Variants in BANK1 observed in about 807,000 individuals in gnomAD.
BANK1 encodes B-cell scaffold protein with ankyrin repeats.
Under a neutral mutation model 94.5 loss-of-function variants are expected in BANK1, and 95 were observed. The ratio of observed to expected loss-of-function variants is 1.00; its 90% CI spans 0.85 to 1.19. The LOEUF (loss-of-function observed/expected upper bound fraction) is 1.19, where lower values mean the gene tolerates loss of function less well. BANK1 is among the 50% of genes most tolerant of loss of function. BANK1 has a pLI of 0.00. For missense variants in BANK1, 987 were observed against 932.2 expected, an observed-to-expected ratio of 1.06 and a Z score of -0.77; for synonymous variants, 334 against 308.4, an observed-to-expected ratio of 1.08 and a Z score of -0.87.
At chr4:102,071,208 T>A (rs1037828067) in intron 13 of BANK1, 67 bp from the exon 14 acceptor site, 1 of 1,522,686 alleles carries the variant, frequency 6.6e-7, no homozygotes, top group Non-Finnish European at 9.1e-7. Context: ...ATTAAAAAAA[T>A]AAGAGAGAGA....
chr4:101,997,596 A>C (rs1416781489), intron 7 of BANK1, among the ~76,000 whole-genome samples: 1 of 152,102 alleles, frequency 6.6e-6, no homozygotes, highest in Non-Finnish European at 1.5e-5. Flanking sequence ...CCTCAATTTC[A>C]GAACTTGTTA....
intron 9 of BANK1, 56 bp downstream of exon 9, chr4:102,025,565 T>C (rs1727063137): frequency 2.0e-6 from 3 of 1,526,930 alleles, no homozygotes; most frequent in Non-Finnish European, 2.7e-6. Flanking sequence ...TTTGACAGGC[T>C]TACATAGCAA....
Position 102,071,813 on chromosome 4 carries a change from G to T in BANK1, c.2242+509G>T, listed in dbSNP as rs150542282. Among the ~76,000 whole-genome samples the T allele has an allele frequency of 3.3e-5, 5 of 152,240 alleles. No homozygotes were observed. In the East Asian group the frequency reaches 9.7e-4, roughly 29 times the overall value. On this transcript the variant is annotated intron_variant, in intron 14 of 16. Transcript: ENST00000322953. Reference sequence around the variant, plus strand: ...ATGGGATAGTAAGGAGGAGCTAGACGTCAGCTAGGGAGCTGTTGAATATTC... The same window carrying T: ...ATGGGATAGTAAGGAGGAGCTAGACTTCAGCTAGGGAGCTGTTGAATATTC...
At chr4:101,921,543 T>C (rs986345282) in intron 7 of BANK1, among the ~76,000 whole-genome samples, 1 of 151,920 alleles carries the variant, frequency 6.6e-6, no homozygotes, top group Non-Finnish European at 1.5e-5. Context: ...AGCAAACAGA[T>C]ATAAATAATA....
intron 2 of BANK1, among the ~76,000 whole-genome samples, chr4:101,842,933 A>T (rs954732630): frequency 6.6e-6 from 1 of 152,232 alleles, no homozygotes; most frequent in African/African-American, 2.4e-5. Context: ...TTACACGTAT[A>T]AACTTGCAAT....
chr4:101,793,692 C>G (rs1725065929), intron 1 of BANK1, among the ~76,000 whole-genome samples: 1 of 152,060 alleles, frequency 6.6e-6, no homozygotes, highest in Admixed American at 6.6e-5. Flanking sequence ...CTGTCACTGT[C>G]TTAGTTTTTT....
chr4:101,860,720 C>G (rs563622815), intron 3 of BANK1, among the ~76,000 whole-genome samples: 2 of 152,094 alleles, frequency 1.3e-5, no homozygotes, highest in Admixed American at 6.5e-5. Context: ...CATGAGCCAC[C>G]GCACCCGGCC....
intron 1 of BANK1, among the ~76,000 whole-genome samples, chr4:101,793,922 C>A (rs1393434014): frequency 6.6e-6 from 1 of 152,032 alleles, no homozygotes; most frequent in African/African-American, 2.4e-5. Context: ...AAAACTGCCT[C>A]ATACTGATTG....
At chr4:101,932,366 C>G (rs190056499) in intron 7 of BANK1, among the ~76,000 whole-genome samples, 1 of 151,502 alleles carries the variant, frequency 6.6e-6, no homozygotes, top group African/African-American at 2.4e-5. Flanking sequence ...TGTGTATGTA[C>G]ATAAAATTTC....
rs28485258 is a variant in BANK1 at position 101,862,541 on chromosome 4, T to G, written c.640T>G (p.Phe214Val). 1.4e-3 allele frequency: 2,219 copies of G among 1,603,884 alleles called. 28 individuals carry two copies. The African/African-American group carries it at 0.025, about 18-fold the overall frequency. ...EIPCENPGEI[F>V]IILRDEVIGD... The stretch of plus-strand genomic sequence containing the variant: ...CATCTTACAGAATCCTGGTGAAATA[T>G]TCATAATTTTGAGAGATGAAGTAAT... The change falls in exon 4 of 17, where the codon TTC becomes GTC. Residue 214 changes from phenylalanine to valine, a missense_variant. By Grantham distance (50) the Phe-to-Val change is conservative. Transcript: ENST00000322953.
intron 2 of BANK1, among the ~76,000 whole-genome samples, chr4:101,853,376 T>C (rs563408320): frequency 6.6e-6 from 1 of 152,310 alleles, no homozygotes; most frequent in South Asian, 2.1e-4. Context: ...GTGAGACCAA[T>C]ATTCTAACTA....
intron 7 of BANK1, among the ~76,000 whole-genome samples, chr4:101,927,256 A>G (rs1723191305): frequency 6.6e-6 from 1 of 151,704 alleles, no homozygotes; most frequent in Non-Finnish European, 1.5e-5. Flanking sequence ...CAAGACCATC[A>G]GATCTTATGA....
intron 3 of BANK1, among the ~76,000 whole-genome samples, chr4:101,860,645 G>T (rs1188243285): frequency 1.3e-5 from 2 of 152,074 alleles, no homozygotes; most frequent in Admixed American, 1.3e-4. Context: ...TGGCCAAGCT[G>T]GTCTTGAACT....
At chr4:102,042,266 T>C (rs1340358075) in intron 10 of BANK1, among the ~76,000 whole-genome samples, 3 of 152,100 alleles carry the variant, frequency 2.0e-5, no homozygotes, top group Non-Finnish European at 2.9e-5. Flanking sequence ...ATACATTATA[T>C]ATTCCTCAAT....
At chr4:101,872,959 G>C (rs1728350015) in intron 5 of BANK1, among the ~76,000 whole-genome samples, 1 of 150,630 alleles carries the variant, frequency 6.6e-6, no homozygotes, top group Admixed American at 6.6e-5. Flanking sequence ...CAGCACTCCA[G>C]CCTGGGTGAC....
intron 2 of BANK1, among the ~76,000 whole-genome samples, chr4:101,849,506 CACACACACACATAT>C (rs1244571866): frequency 6.6e-6 from 1 of 151,880 alleles, no homozygotes; most frequent in Non-Finnish European, 1.5e-5. Context: ...GATACACACG[CACACACACACATAT>C]ACACACACAC....
chr4:102,068,683 C>T (rs1056907003), intron 13 of BANK1, among the ~76,000 whole-genome samples: 1 of 151,914 alleles, frequency 6.6e-6, no homozygotes, highest in African/African-American at 2.4e-5. Context: ...AAAAAATTAG[C>T]GAGGCGTGGT....
At chr4:101,990,273 TCTAA>T (rs1358164713) in intron 7 of BANK1, among the ~76,000 whole-genome samples, 2 of 152,174 alleles carry the variant, frequency 1.3e-5, no homozygotes, top group South Asian at 2.1e-4. Flanking sequence ...ATACTCTGGC[TCTAA>T]CTGTGAATTA....
At chr4:102,037,678 A>T (rs78003929) in intron 10 of BANK1, among the ~76,000 whole-genome samples, 4,188 of 152,286 alleles carry the variant, frequency 0.028, 90 homozygotes, top group African/African-American at 0.057. Context: ...CAGTTGTGTA[A>T]CTTTGTGAAA....
Sources: allele counts gnomAD v4.1 joint callset (sites outside exome capture counted in the v4.1 genomes callset), GRCh38; gene constraint gnomAD v4.1.1; transcripts MANE v1.5; gene names NCBI Gene and HGNC (gene_info 2026-07-23, HGNC 2026-07-21).